The following COL21A1 variants were observed in gnomAD, a reference collection of about 807,000 sequenced individuals.
COL21A1 encodes collagen type XXI alpha 1 chain.
In COL21A1, 149 loss-of-function variants were observed where a neutral mutation model predicts 137.9. The observed-to-expected ratio is 1.08, with a 90% CI of 0.95 to 1.24. COL21A1 has a LOEUF of 1.24. COL21A1 is among the 50% of genes most tolerant of loss of function. The pLI, the probability that COL21A1 is intolerant of heterozygous loss-of-function variation, is 0.00. For missense variants in COL21A1, 1,167 were observed against 1,158.4 expected (o/e 1.01, Z -0.11); for synonymous variants, 456 against 391.5 (o/e 1.16, Z -1.95).
At chr6:56,279,532 A>G (rs1378628543) in intron 1 of COL21A1, among the ~76,000 whole-genome samples, 1 of 152,186 alleles carries the variant, frequency 6.6e-6, no homozygotes, top group Non-Finnish European at 1.5e-5. Context: ...TTTCCAATGC[A>G]GCTCTCATGA....
chr6:56,262,448 A>C (rs1763301460), intron 1 of COL21A1, among the ~76,000 whole-genome samples: 1 of 152,136 alleles, frequency 6.6e-6, no homozygotes, highest in South Asian at 2.1e-4. Context: ...TAGAAAACAG[A>C]GCCTAAGCCA....
intron 17 of COL21A1, among the ~76,000 whole-genome samples, chr6:56,100,601 T>C (rs1770367881): frequency 6.6e-6 from 1 of 152,170 alleles, no homozygotes; most frequent in African/African-American, 2.4e-5. Context: ...TTGGTAATTA[T>C]TTGCATCATT....
intron 16 of COL21A1, among the ~76,000 whole-genome samples, chr6:56,108,553 G>A (rs1307100830): frequency 6.6e-6 from 1 of 151,884 alleles, no homozygotes; most frequent in Admixed American, 6.6e-5. Context: ...AAATGAAGAT[G>A]TAGGAGTTAA....
rs141168196 is a variant in COL21A1, at chr6:56,107,878, G to A, written c.1759-6353C>T. 1.4e-3 allele frequency among the ~76,000 whole-genome samples: 214 copies of A among 152,064 alleles called. 1 individual carries two copies. Among genetic ancestry groups the A allele is most frequent in the African/African-American group, 5.1e-3 (210 of 41,516 alleles). On this transcript the variant is annotated intron_variant, in intron 16 of 29. Transcript: ENST00000244728. ...TGCAGATCTGAAACAAAGATAAAGT[G>A]TAAAAAGTATTTTATAAATATTATA...
chr6:56,085,405 A>C (rs1441637469), intron 17 of COL21A1, among the ~76,000 whole-genome samples: 2 of 152,114 alleles, frequency 1.3e-5, no homozygotes, highest in Non-Finnish European at 2.9e-5. Context: ...CAAAACACAA[A>C]ATATTATAAA....
Position 56,144,314 on chromosome 6 carries a change from T to G in COL21A1, c.1435-2331A>C, listed in dbSNP as rs563098187. Among the ~76,000 whole-genome samples the G allele has an allele frequency of 4.6e-5, 7 of 152,288 alleles. No individual in the cohort carries two copies. The South Asian group carries it at 1.2e-3, about 27-fold the overall frequency. ...GGAACATTCTCTATCAGAAAGTGCTTTATGGCGGGTCAGATCTGATCATTG... is the reference window on the plus strand; with the variant it reads ...GGAACATTCTCTATCAGAAAGTGCTGTATGGCGGGTCAGATCTGATCATTG... On this transcript the variant is annotated intron_variant, in intron 10 of 29. Coordinates refer to ENST00000244728, the MANE Select transcript of COL21A1 (RefSeq NM_030820.4).
chr6:56,229,024 A>T (rs1226923814), intron 1 of COL21A1, among the ~76,000 whole-genome samples: 3 of 152,006 alleles, frequency 2.0e-5, no homozygotes, highest in Non-Finnish European at 4.4e-5. Context: ...TTACTTCCAG[A>T]TAATAGCATT....
chr6:56,291,900 T>C (rs981818224), intron 1 of COL21A1, among the ~76,000 whole-genome samples: 7 of 152,184 alleles, frequency 4.6e-5, no homozygotes, highest in African/African-American at 1.2e-4. Context: ...TCAGGCCGGG[T>C]GTGGTGCCTG....
At chr6:56,151,181 G>A (rs1391855834) in intron 10 of COL21A1, among the ~76,000 whole-genome samples, 3 of 152,108 alleles carry the variant, frequency 2.0e-5, no homozygotes, top group African/African-American at 7.2e-5. Flanking sequence ...AGCCGAGATC[G>A]CTCGGCTGCA....
chr6:56,292,280 T>C (rs1764063408), intron 1 of COL21A1, among the ~76,000 whole-genome samples: 1 of 152,208 alleles, frequency 6.6e-6, no homozygotes, highest in South Asian at 2.1e-4. Context: ...TCTGCTTTTG[T>C]TTAAAATTAT....
chr6:56,363,915 A>G (rs577989894), intron 1 of COL21A1, among the ~76,000 whole-genome samples: 1 of 152,244 alleles, frequency 6.6e-6, no homozygotes, highest in Non-Finnish European at 1.5e-5. Context: ...CAGAACAAAA[A>G]TTAGATCAAT....
At chr6:56,304,989 T>G (rs1266299595) in intron 1 of COL21A1, among the ~76,000 whole-genome samples, 10 of 152,262 alleles carry the variant, frequency 6.6e-5, no homozygotes, top group Non-Finnish European at 1.5e-4. Flanking sequence ...TTTCGTTATG[T>G]ACCCAGTAGT....
At chr6:56,084,699 TAA>T (rs896371537) in intron 17 of COL21A1, among the ~76,000 whole-genome samples, 12 of 152,088 alleles carry the variant, frequency 7.9e-5, no homozygotes, top group Non-Finnish European at 1.2e-4. Flanking sequence ...AAAAAATGTC[TAA>T]GAGTTATTTT....
chr6:56,345,530 T>C (rs1057133180), intron 1 of COL21A1, among the ~76,000 whole-genome samples: 2 of 152,158 alleles, frequency 1.3e-5, no homozygotes, highest in Non-Finnish European at 2.9e-5. Flanking sequence ...ACTCAGACGT[T>C]TTTGATGTTG....
Position 56,336,492 on chromosome 6 carries a change from G to A in COL21A1, c.-39+57479C>T, listed in dbSNP as rs949574120. On this transcript the variant is annotated intron_variant, in intron 1 of 28. Transcript: ENST00000370819. ...AAGAAAATATTCTGATATTAAAAAT[G>A]TTTTACCCAGATCCCTGAAAATGGG... is the stretch of plus-strand genomic sequence containing the variant. Among the ~76,000 whole-genome samples the A allele has an allele frequency of 4.6e-5, 7 of 152,222 alleles. No individual in the cohort carries two copies. The East Asian group carries it at 1.4e-3, about 29-fold the overall frequency.
chr6:56,085,991 T>A (rs1489297263), intron 17 of COL21A1, among the ~76,000 whole-genome samples: 1 of 148,948 alleles, frequency 6.7e-6, no homozygotes, highest in Non-Finnish European at 1.5e-5. Context: ...TATATAAAAA[T>A]ATCTAAATTA....
intron 16 of COL21A1, 42 bp from the exon 17 acceptor site, chr6:56,101,567 G>A (rs1295697233): frequency 1.4e-6 from 2 of 1,414,114 alleles, no homozygotes; most frequent in African/African-American, 1.4e-5. Flanking sequence ...ATTCAGTTTT[G>A]AGGTCTGCTT....
chr6:56,151,161 GC>G (rs1382656479), intron 10 of COL21A1, among the ~76,000 whole-genome samples: 1 of 152,152 alleles, frequency 6.6e-6, no homozygotes, highest in Non-Finnish European at 1.5e-5. Flanking sequence ...AGGAGGCGGA[GC>G]TTGCAGTGAG....
At chr6:56,348,516 C>T (rs1765642405) in intron 1 of COL21A1, among the ~76,000 whole-genome samples, 1 of 152,134 alleles carries the variant, frequency 6.6e-6, no homozygotes, top group South Asian at 2.1e-4. Context: ...GGTAAGATTT[C>T]TGGTAAAATG....
Sources: allele counts gnomAD v4.1 joint callset (sites outside exome capture counted in the v4.1 genomes callset), GRCh38; gene constraint gnomAD v4.1.1; transcripts MANE v1.5; gene names NCBI Gene and HGNC (gene_info 2026-07-23, HGNC 2026-07-21).